MALRD1: variants seen among roughly 807,000 people sequenced by gnomAD.
MALRD1 encodes the protein MAM and LDL receptor class A domain containing 1.
Under a neutral mutation model 242.1 loss-of-function variants are expected in MALRD1, and 247 were observed. The ratio of observed to expected loss-of-function variants is 1.02; its 90% CI spans 0.92 to 1.13. MALRD1 has a LOEUF of 1.13. Among genes scored for constraint, MALRD1 ranks in the 50% most tolerant of loss-of-function variants. The probability of loss-of-function intolerance (pLI) is 0.00; values close to 1 mark genes in which losing one functional copy is unlikely to be tolerated. For missense variants in MALRD1, 2,989 were observed against 2,533.1 expected (o/e 1.18, Z -3.86); for synonymous variants, 995 against 866.6 (o/e 1.15, Z -2.60).
chr10:19,683,643 A>G (rs1842463086), intron 36 of MALRD1, among the ~76,000 whole-genome samples: 2 of 152,212 alleles, frequency 1.3e-5, no homozygotes, highest in Non-Finnish European at 2.9e-5. Flanking sequence ...AATGTGATAA[A>G]CGGACATTTT....
chr10:19,273,611 A>G (rs1214394039), intron 19 of MALRD1, among the ~76,000 whole-genome samples: 1 of 152,252 alleles, frequency 6.6e-6, no homozygotes, highest in African/African-American at 2.4e-5. Flanking sequence ...GTTACTAAGC[A>G]GAAGAAGCCA....
At chr10:19,508,215 A>G (rs573710694) in intron 31 of MALRD1, among the ~76,000 whole-genome samples, 23 of 152,254 alleles carry the variant, frequency 1.5e-4, no homozygotes, top group Non-Finnish European at 7.4e-5. Flanking sequence ...TTGTGGATGG[A>G]TGGATGGATG....
rs35948766 is a variant in MALRD1 at position 19,108,387 on chromosome 10, C to CTTTTTTTTTTTTTTTTTT, written c.694+4333_694+4350dup. On this transcript the variant is annotated intron_variant, in intron 5 of 39. Transcript: ENST00000454679. ...TTATTGAGCTCATGAATTGTTTTTT[C>CTTTTTTTTTTTTTTTTTT]TTTTTTTTTTTTTTTTTTTTTTTTT... Among the ~76,000 whole-genome samples the CTTTTTTTTTTTTTTTTTT allele has an allele frequency of 6.1e-4, 12 of 19,764 alleles. 6 individuals are homozygous for CTTTTTTTTTTTTTTTTTT. Among genetic ancestry groups the CTTTTTTTTTTTTTTTTTT allele is most frequent in the Non-Finnish European group, 8.0e-4 (10 of 12,506 alleles). 13.0% of individuals were successfully genotyped at this position (19,764 alleles called of 152,430 possible).
At chr10:19,156,839 A>G (rs1834166030) in intron 12 of MALRD1, among the ~76,000 whole-genome samples, 1 of 152,032 alleles carries the variant, frequency 6.6e-6, no homozygotes, top group African/African-American at 2.4e-5. Context: ...TTTTGCTTAA[A>G]TTGGTAACTT....
chr10:19,653,172 T>C (rs1176429780), intron 36 of MALRD1, among the ~76,000 whole-genome samples: 2 of 152,164 alleles, frequency 1.3e-5, no homozygotes, highest in African/African-American at 4.8e-5. Flanking sequence ...TTTCCATCTC[T>C]TGCTGATTTC....
At chr10:19,677,228 G>A (rs532734201) in intron 36 of MALRD1, among the ~76,000 whole-genome samples, 17 of 152,194 alleles carry the variant, frequency 1.1e-4, no homozygotes, top group African/African-American at 3.9e-4. Flanking sequence ...CTAGGTCTTC[G>A]AGGAATCATC....
intron 21 of MALRD1, among the ~76,000 whole-genome samples, chr10:19,315,623 T>TA (rs1484351146): frequency 1.2e-5 from 1 of 84,870 alleles, no homozygotes; most frequent in Admixed American, 1.4e-4. Flanking sequence ...TTTATATAAA[T>TA]TATAAATATT....
At chr10:19,482,116 CAT>C (rs1837021046) in intron 29 of MALRD1, among the ~76,000 whole-genome samples, 2 of 151,824 alleles carry the variant, frequency 1.3e-5, no homozygotes, top group Non-Finnish European at 2.9e-5. Context: ...TTAGAAATCA[CAT>C]TAAATGACTT....
chr10:19,597,071 G>C (rs1409740), intron 34 of MALRD1, among the ~76,000 whole-genome samples: 6,673 of 152,094 alleles, frequency 0.044, 431 homozygotes, highest in African/African-American at 0.14. Flanking sequence ...TTCCTGGTTC[G>C]GGCTGACAAA....
At chr10:19,442,714 G>A (rs768323800) in intron 28 of MALRD1, among the ~76,000 whole-genome samples, 57 of 152,068 alleles carry the variant, frequency 3.7e-4, no homozygotes, top group Middle Eastern at 3.2e-3. Context: ...CGCTGGGTTC[G>A]TTTTGCCAGT....
intron 24 of MALRD1, among the ~76,000 whole-genome samples, chr10:19,345,032 C>CT (rs1844047997): frequency 6.6e-6 from 1 of 152,066 alleles, no homozygotes; most frequent in African/African-American, 2.4e-5. Flanking sequence ...CTATGTGCTC[C>CT]TTTTATTACC....
intron 36 of MALRD1, among the ~76,000 whole-genome samples, chr10:19,666,284 CT>C (rs1450363240): frequency 6.6e-6 from 1 of 152,166 alleles, no homozygotes; most frequent in Non-Finnish European, 1.5e-5. Flanking sequence ...TCTCTGACCT[CT>C]CCTTAATTAG....
In MALRD1 at chr10:19,086,931, C is replaced by G. The variant is rs369964921; in HGVS notation, c.341-909C>G. ...TCTTTCTGCAGCTGCAGGCATACCC[C>G]CCAAGTCTGCTTTTAGCTTCCCTAT... is the stretch of plus-strand genomic sequence containing the variant. On this transcript the variant is annotated intron_variant, in intron 2 of 39. Transcript: ENST00000454679. Among the ~76,000 whole-genome samples the G allele has an allele frequency of 1.4e-3, 215 of 152,082 alleles. 1 individual carries two copies. Among genetic ancestry groups the G allele is most frequent in the African/African-American group, 4.7e-3 (197 of 41,492 alleles).
chr10:19,163,949 T>C (rs551966427), intron 12 of MALRD1, among the ~76,000 whole-genome samples: 1 of 152,220 alleles, frequency 6.6e-6, no homozygotes, highest in Admixed American at 6.5e-5. Context: ...AGAATTCTGA[T>C]GGGACATGCA....
At chr10:19,472,860 T>A (rs1041932678) in intron 29 of MALRD1, among the ~76,000 whole-genome samples, 1 of 151,626 alleles carries the variant, frequency 6.6e-6, no homozygotes, top group Non-Finnish European at 1.5e-5. Context: ...ATCTTTTTAA[T>A]TTTTGTCTCA....
At chr10:19,651,659 G>A (rs1171897695) in intron 36 of MALRD1, among the ~76,000 whole-genome samples, 1 of 152,122 alleles carries the variant, frequency 6.6e-6, no homozygotes, top group Non-Finnish European at 1.5e-5. Context: ...CTCTCAGATG[G>A]TTAATATAAT....
chr10:19,391,640 G>A (rs772234708), intron 28 of MALRD1, among the ~76,000 whole-genome samples: 12 of 152,084 alleles, frequency 7.9e-5, no homozygotes, highest in Non-Finnish European at 1.2e-4. Context: ...ACACCGAGTC[G>A]CACCCAATCG....
At chr10:19,732,288 G>A (rs1835328269) in intron 39 of MALRD1, among the ~76,000 whole-genome samples, 1 of 152,094 alleles carries the variant, frequency 6.6e-6, no homozygotes, top group Non-Finnish European at 1.5e-5. Context: ...TTGAGACGGA[G>A]TTTCACTCTT....
chr10:19,386,512 G>A (rs892354128), intron 26 of MALRD1, among the ~76,000 whole-genome samples: 2 of 151,954 alleles, frequency 1.3e-5, no homozygotes, highest in African/African-American at 2.4e-5. Flanking sequence ...TTGAAATATT[G>A]TTACCCATGA....
Sources: gnomAD v4.1 joint callset for allele counts (sites outside exome capture counted in the v4.1 genomes callset) on GRCh38, gnomAD v4.1.1 for gene constraint, MANE v1.5 for transcripts, NCBI Gene and HGNC (gene_info 2026-07-23, HGNC 2026-07-21) for gene names.